EPHA6: variants seen among roughly 807,000 people sequenced by gnomAD.
EPHA6 encodes the protein ephrin type-A receptor 6.
EPHA6 carries 50 observed loss-of-function variants against 112.0 expected under a neutral mutation model. That is an observed-to-expected ratio of 0.45 (90% confidence interval 0.36 to 0.56). The LOEUF (loss-of-function observed/expected upper bound fraction) is 0.56. Among genes scored for constraint, EPHA6 ranks in the 20% least tolerant of loss-of-function variants. EPHA6 has a pLI of 0.00. For synonymous variants in EPHA6, 529 were observed against 490.7 expected, an observed-to-expected ratio of 1.08 and a Z score of -1.03; for missense variants, 1,280 against 1,417.4, an observed-to-expected ratio of 0.90 and a Z score of 1.56.
chr3:97,148,531 A>G (rs2076095873), intron 3 of EPHA6, among the ~76,000 whole-genome samples: 1 of 152,142 alleles, frequency 6.6e-6, no homozygotes. Flanking sequence ...TTAAAAATGC[A>G]CATTTCCTTT....
intron 2 of EPHA6, among the ~76,000 whole-genome samples, chr3:96,890,984 G>T (rs1241166450): frequency 1.3e-5 from 2 of 152,184 alleles, no homozygotes; most frequent in South Asian, 4.1e-4. Flanking sequence ...CTACTTGAGA[G>T]GTTGAGGCAG....
chr3:97,163,637 G>T (rs924624146), intron 3 of EPHA6, among the ~76,000 whole-genome samples: 4 of 152,126 alleles, frequency 2.6e-5, no homozygotes, highest in Non-Finnish European at 5.9e-5. Flanking sequence ...GCATAAACTT[G>T]CAAGGCAGCT....
At chr3:97,713,088 G>C (rs1481695505) in intron 14 of EPHA6, among the ~76,000 whole-genome samples, 2 of 152,224 alleles carry the variant, frequency 1.3e-5, no homozygotes, top group East Asian at 3.9e-4. Flanking sequence ...GTTAGGGTGG[G>C]GGAGGGATAG....
intron 10 of EPHA6, among the ~76,000 whole-genome samples, chr3:97,509,026 T>TTTTTTTTTTTTGTG (rs1259535333): frequency 7.3e-6 from 1 of 137,872 alleles, no homozygotes; most frequent in Admixed American, 7.3e-5. Flanking sequence ...TTTTTTTGCT[T>TTTTTTTTTTTTGTG]TCCATTTGCT....
At chr3:97,735,830 A>C in intron 15 of EPHA6, 95 bp from the exon 16 acceptor site, 1 of 876,970 alleles carries the variant, frequency 1.1e-6, no homozygotes, top group Non-Finnish European at 1.7e-6. Context: ...CATGCTTACC[A>C]TTATTTTGGC....
Position 97,405,151 on chromosome 3 carries a change from A to G in EPHA6, c.1608A>G (p.Ala536=), listed in dbSNP as rs1419488798. 6.3e-7 allele frequency: 1 copy of G among 1,592,870 alleles called. No homozygotes were observed. Among genetic ancestry groups the G allele is most frequent in the African/African-American group, 1.3e-5 (1 of 74,520 alleles). The change falls in exon 6 of 18, where the codon GCA becomes GCG. Residue 536 remains alanine (A), a splice_region_variant and synonymous_variant. Coordinates refer to ENST00000389672, the MANE Select transcript of EPHA6 (RefSeq NM_001080448.3). ...CTTAGTTATTTTCTTTCCTTTCAGC[A>G]CCTTCCCTGATAGGTGTGGTAAGGA... ...TAITVTTDQD[A]PSLIGVVRKD...
intron 6 of EPHA6, among the ~76,000 whole-genome samples, chr3:97,443,423 A>G (rs1480567605): frequency 6.6e-6 from 1 of 151,508 alleles, no homozygotes; most frequent in East Asian, 1.9e-4. Context: ...ACTTGGACCT[A>G]TTCCTGCACT....
At chr3:97,711,119 G>T (rs183396539) in intron 14 of EPHA6, among the ~76,000 whole-genome samples, 1 of 152,184 alleles carries the variant, frequency 6.6e-6, no homozygotes, top group East Asian at 1.9e-4. Context: ...AGTCTTTCCC[G>T]TGCTGTTCTT....
At chr3:97,132,229 G>A (rs771626460) in intron 3 of EPHA6, among the ~76,000 whole-genome samples, 1 of 152,044 alleles carries the variant, frequency 6.6e-6, no homozygotes, top group Non-Finnish European at 1.5e-5. Flanking sequence ...CATAAAGCAG[G>A]TATTTAATGA....
intron 3 of EPHA6, among the ~76,000 whole-genome samples, chr3:97,066,014 ATAT>A (rs1486566925): frequency 3.9e-5 from 6 of 152,078 alleles, no homozygotes; most frequent in Non-Finnish European, 7.4e-5. Flanking sequence ...ACTCCTTTTA[ATAT>A]TAATAATACC....
chr3:97,600,648 G>T (rs1003505439), intron 12 of EPHA6, among the ~76,000 whole-genome samples: 2 of 151,950 alleles, frequency 1.3e-5, no homozygotes, highest in African/African-American at 4.8e-5. Flanking sequence ...ATGTGATCAT[G>T]TATGTAAGTG....
intron 14 of EPHA6, among the ~76,000 whole-genome samples, chr3:97,711,160 T>C (rs2033947533): frequency 6.6e-6 from 1 of 152,100 alleles, no homozygotes; most frequent in African/African-American, 2.4e-5. Flanking sequence ...CAAGATCTGA[T>C]GGTTTTAAAA....
chr3:97,181,597 GTA>G (rs533751030), intron 3 of EPHA6, among the ~76,000 whole-genome samples: 10 of 151,434 alleles, frequency 6.6e-5, no homozygotes, highest in African/African-American at 2.4e-4. Context: ...GTGTGTGTGT[GTA>G]TATATGTGTG....
intron 2 of EPHA6, among the ~76,000 whole-genome samples, chr3:96,927,886 A>G (rs1162074922): frequency 6.6e-6 from 1 of 152,220 alleles, no homozygotes; most frequent in Admixed American, 6.5e-5. Flanking sequence ...AAGGAAGTTT[A>G]ATTTACTCAC....
At chr3:97,231,809 T>TTACTC in intron 4 of EPHA6, among the ~76,000 whole-genome samples, 1 of 152,190 alleles carries the variant, frequency 6.6e-6, no homozygotes, top group Non-Finnish European at 1.5e-5. Context: ...AGATGAAATG[T>TTACTC]CTTTCTGGGC....
At chr3:97,343,825 C>T (rs1247644531) in intron 5 of EPHA6, among the ~76,000 whole-genome samples, 3 of 152,182 alleles carry the variant, frequency 2.0e-5, no homozygotes, top group South Asian at 4.1e-4. Context: ...AGAGCTACTG[C>T]AGGGCTGCCC....
intron 5 of EPHA6, among the ~76,000 whole-genome samples, chr3:97,324,511 C>T (rs201585264): frequency 1.7e-4 from 4 of 23,362 alleles, no homozygotes; most frequent in Non-Finnish European, 3.6e-4. Flanking sequence ...TCATCTCTTT[C>T]TCTTTCTTTC....
intron 13 of EPHA6, among the ~76,000 whole-genome samples, chr3:97,637,379 A>C (rs1435910407): frequency 6.6e-6 from 1 of 151,148 alleles, no homozygotes; most frequent in Non-Finnish European, 1.5e-5. Flanking sequence ...TTATACCATC[A>C]CTTTTTTTTT....
chr3:97,010,571 A>T (rs1011064627), intron 3 of EPHA6, among the ~76,000 whole-genome samples: 1 of 152,230 alleles, frequency 6.6e-6, no homozygotes, highest in East Asian at 1.9e-4. Context: ...AATTAAACAT[A>T]GAATAAAACC....
Sources: gnomAD v4.1 joint callset for allele counts (sites outside exome capture counted in the v4.1 genomes callset) on GRCh38, gnomAD v4.1.1 for gene constraint, MANE v1.5 for transcripts, NCBI Gene and HGNC (gene_info 2026-07-23, HGNC 2026-07-21) for gene names.